Variants in CRTC1 observed in about 807,000 individuals in gnomAD.
The protein encoded by CRTC1 is CREB regulated transcription coactivator 1, also known as CREB-regulated transcription coactivator 1.
CRTC1 carries 18 observed loss-of-function variants against 66.1 expected under a neutral mutation model. The ratio of observed to expected loss-of-function variants is 0.27; its 90% CI spans 0.19 to 0.40. The LOEUF is 0.40. Ranked by LOEUF, CRTC1 falls within the 10% of genes least tolerant of loss-of-function variation. The pLI is 1.00. For missense variants in CRTC1, 669 were observed against 887.9 expected (o/e 0.75, Z 3.13); for synonymous variants, 416 against 398.8 (o/e 1.04, Z -0.51).
intron 5 of CRTC1, 139 bp from the exon 6 acceptor site, chr19:18,753,361 A>G: frequency 1.6e-6 from 1 of 607,544 alleles, no homozygotes; most frequent in East Asian, 2.7e-5. Flanking sequence ...AGTACAGTCC[A>G]CAGAAGTTCC....
intron 9 of CRTC1, 46 bp downstream of exon 9, chr19:18,765,574 G>A (rs2054712788): frequency 6.4e-7 from 1 of 1,566,934 alleles, no homozygotes; most frequent in South Asian, 1.1e-5. Context: ...AAAGGGAAAG[G>A]TGGAGGCCTG....
At chr19:18,702,222 ATTT>A (rs1163774588) in intron 1 of CRTC1, among the ~76,000 whole-genome samples, 4 of 134,372 alleles carry the variant, frequency 3.0e-5, no homozygotes, top group Admixed American at 7.5e-5. Context: ...TGTGCCCAGC[ATTT>A]TTTTTTTTTT....
At chr19:18,732,597 G>T (rs2053915002) in intron 1 of CRTC1, among the ~76,000 whole-genome samples, 1 of 152,160 alleles carries the variant, frequency 6.6e-6, no homozygotes, top group South Asian at 2.1e-4. Flanking sequence ...GGGCTTCCTG[G>T]GGAGGTAGTG....
intron 1 of CRTC1, among the ~76,000 whole-genome samples, chr19:18,706,373 T>G (rs2053266916): frequency 6.6e-6 from 1 of 150,852 alleles, no homozygotes; most frequent in Admixed American, 6.6e-5. Context: ...ACTCAGCTAA[T>G]TTTTGTATTT....
chr19:18,768,823 T>C lies in CRTC1; in HGVS notation c.1320+30T>C, dbSNP rs2054797988. On this transcript the variant is annotated intron_variant, in intron 10 of 13. Transcript: ENST00000321949. The surrounding 1 kb of genome is among the most constrained non-coding windows in gnomAD (Gnocchi z 5.6). The stretch of plus-strand genomic sequence containing the variant: ...GCCCAGGGTGGGGTCCCTCGGGGCC[T>C]GACTGGGGGTCTTGTAGAGGACAGC... 2.5e-5 allele frequency: 39 copies of C among 1,568,028 alleles called. No individual in the cohort carries two copies. Among genetic ancestry groups the C allele is most frequent in the Non-Finnish European group, 3.3e-5 (38 of 1,157,914 alleles).
intron 1 of CRTC1, among the ~76,000 whole-genome samples, chr19:18,684,767 GTCT>G (rs2052648326): frequency 2.0e-5 from 3 of 152,158 alleles, no homozygotes; most frequent in Non-Finnish European, 2.9e-5. Context: ...CCAGGCTCCT[GTCT>G]GGCAGAGCAG....
In CRTC1 at chr19:18,741,012, C is replaced by A. The variant is rs1293652918; in HGVS notation, c.127-1898C>A. Among the ~76,000 whole-genome samples, 3 of 152,232 alleles carry A rather than the reference C, an allele frequency of 2.0e-5. No individual in the cohort carries two copies. The South Asian group carries it at 6.2e-4, about 32-fold the overall frequency. On this transcript the variant is annotated intron_variant, in intron 1 of 13. Transcript: ENST00000321949. The surrounding 1 kb of genome is among the most constrained non-coding windows in gnomAD (Gnocchi z 4.2). ...AGAGCGAGACTCCATCTCAAAAAAA[C>A]AAACAAACAACAACAACAACAAAAA...
At chr19:18,764,193 A>G (rs892714546) in intron 8 of CRTC1, among the ~76,000 whole-genome samples, 4 of 152,046 alleles carry the variant, frequency 2.6e-5, no homozygotes, top group African/African-American at 9.7e-5. Flanking sequence ...GGGCCCACGC[A>G]CCCGCCGTCT....
At chr19:18,704,916 C>A (rs964297165) in intron 1 of CRTC1, among the ~76,000 whole-genome samples, 12 of 131,104 alleles carry the variant, frequency 9.2e-5, no homozygotes, top group African/African-American at 3.1e-4. Flanking sequence ...CCCCCCAATC[C>A]CCAACCCCCA....
At chr19:18,717,347 T>A (rs2053531553) in intron 1 of CRTC1, among the ~76,000 whole-genome samples, 1 of 152,066 alleles carries the variant, frequency 6.6e-6, no homozygotes, top group Non-Finnish European at 1.5e-5. Context: ...GTGGCCTCTG[T>A]CCTTGGTGCA....
rs1285045417 is a variant in CRTC1 at position 18,749,847 on chromosome 19, T to C, written c.510T>C (p.Ser170=). 20 of 1,613,902 alleles carry C rather than the reference T, an allele frequency of 1.2e-5. No individual in the cohort carries two copies. The highest frequency in any genetic ancestry group is 3.3e-5 in the South Asian group (3 of 91,088). The stretch of plus-strand genomic sequence containing the variant: ...CCACGCAGCCAGAATCCTTTAGCAG[T>C]GGGTCCCAGGACGTGCACCAGAAAA... The part of the protein sequence containing the change: ...MTPTQPESFS[S]GSQDVHQKRV... The change falls in exon 5 of 14, where the codon AGT becomes AGC. Residue 170 remains serine (S), a synonymous_variant. Coordinates refer to ENST00000321949, the MANE Select transcript of CRTC1 (RefSeq NM_015321.3).
chr19:18,704,369 G>A (rs577501115), intron 1 of CRTC1, among the ~76,000 whole-genome samples: 15 of 152,100 alleles, frequency 9.9e-5, no homozygotes, highest in Non-Finnish European at 2.2e-4. Flanking sequence ...GATTACAGGC[G>A]TGAGTCACCA....
At chr19:18,774,000 C>T (rs545824553) in intron 11 of CRTC1, among the ~76,000 whole-genome samples, 21 of 152,344 alleles carry the variant, frequency 1.4e-4, no homozygotes, top group African/African-American at 4.1e-4. Context: ...TTCACCTGGA[C>T]GCCTTATAGG....
intron 8 of CRTC1, 152 bp from the exon 9 acceptor site, chr19:18,765,252 G>T: frequency 8.6e-7 from 1 of 1,159,282 alleles, no homozygotes; most frequent in Non-Finnish European, 1.2e-6. Context: ...GGGCCTTCGG[G>T]GGGTGCCCAG....
intron 1 of CRTC1, among the ~76,000 whole-genome samples, chr19:18,713,779 G>A (rs920709835): frequency 2.6e-5 from 4 of 152,258 alleles, no homozygotes; most frequent in Non-Finnish European, 5.9e-5. Flanking sequence ...CAGGCACAGA[G>A]CCCCTTTCTG....
At chr19:18,704,585 G>A (rs2053218936) in intron 1 of CRTC1, among the ~76,000 whole-genome samples, 2 of 152,118 alleles carry the variant, frequency 1.3e-5, no homozygotes, top group East Asian at 1.9e-4. Flanking sequence ...GGTGGCAGGC[G>A]CCTGTAATCC....
At chr19:18,712,720 G>A (rs892201479) in intron 1 of CRTC1, among the ~76,000 whole-genome samples, 9 of 152,036 alleles carry the variant, frequency 5.9e-5, no homozygotes, top group Non-Finnish European at 1.2e-4. Flanking sequence ...AACGCTTTGG[G>A]AGGCCAAGGC....
chr19:18,723,949 C>T lies in CRTC1; in HGVS notation c.127-18961C>T, dbSNP rs148611052. ...CTCCGGGAGGGAGGATGCACGTTGG[C>T]GTGTTAATGGCGATGGCATTCCACC... On this transcript the variant is annotated intron_variant, in intron 1 of 13. Transcript: ENST00000321949. Among the ~76,000 whole-genome samples, 290 of 152,326 alleles carry T rather than the reference C, an allele frequency of 1.9e-3. 2 individuals carry two copies. The highest frequency in any genetic ancestry group is 6.2e-3 in the African/African-American group (257 of 41,580).
At chr19:18,700,471 G>A (rs1405793460) in intron 1 of CRTC1, among the ~76,000 whole-genome samples, 1 of 151,902 alleles carries the variant, frequency 6.6e-6, no homozygotes, top group Non-Finnish European at 1.5e-5. Context: ...CGGGGCTCTT[G>A]CTGCAGAGAA....
Sources: allele counts gnomAD v4.1 joint callset (sites outside exome capture counted in the v4.1 genomes callset), GRCh38; gene constraint gnomAD v4.1.1; non-coding constraint Gnocchi (gnomAD v3.1); transcripts MANE v1.5; gene names NCBI Gene and HGNC (gene_info 2026-07-23, HGNC 2026-07-21).